CNTFR: variants seen among roughly 807,000 people sequenced by gnomAD.
CNTFR encodes ciliary neurotrophic factor receptor subunit alpha.
Under a neutral mutation model 40.4 loss-of-function variants are expected in CNTFR, and 12 were observed. That is an observed-to-expected ratio of 0.30 (90% CI 0.19 to 0.48). The LOEUF is 0.48. Ranked by LOEUF, CNTFR falls within the 20% of genes least tolerant of loss-of-function variation. The pLI is 0.99. For synonymous variants in CNTFR, 202 were observed against 209.6 expected, an observed-to-expected ratio of 0.96 and a Z score of 0.31; for missense variants, 414 against 506.8, an observed-to-expected ratio of 0.82 and a Z score of 1.76.
chr9:34,587,696 G>C (rs1041139352), intron 1 of CNTFR, among the ~76,000 whole-genome samples: 3 of 152,112 alleles, frequency 2.0e-5, no homozygotes, highest in Non-Finnish European at 2.9e-5. Context: ...ATGCGAGTCT[G>C]ACTAACTCGG....
At chr9:34,566,238 C>T (rs1354542822) in intron 3 of CNTFR, among the ~76,000 whole-genome samples, 1 of 152,118 alleles carries the variant, frequency 6.6e-6, no homozygotes, top group Non-Finnish European at 1.5e-5. Flanking sequence ...CCTCGCTGTG[C>T]CAGGGTCTCT....
At chr9:34,566,120 G>T (rs1455421028) in intron 3 of CNTFR, among the ~76,000 whole-genome samples, 1 of 151,886 alleles carries the variant, frequency 6.6e-6, no homozygotes, top group East Asian at 1.9e-4. Flanking sequence ...AGGGGTGTAG[G>T]GATCCCCCTT....
rs1324086457 is a variant in CNTFR, at chr9:34,556,235, T to C, written c.768+20A>G. On this transcript the variant is annotated intron_variant, in intron 7 of 9. Transcript: ENST00000378980. ...ATTCTAACTCAGGCACCCAGGATCT[T>C]GGCCGGGCAGGGCACTCACATGCTG... The C allele has an allele frequency of 6.3e-7, 1 of 1,599,542 alleles. No homozygotes were observed. Among genetic ancestry groups the C allele is most frequent in the Non-Finnish European group, 8.5e-7 (1 of 1,176,364 alleles).
intron 4 of CNTFR, among the ~76,000 whole-genome samples, chr9:34,562,816 C>G (rs2132153153): frequency 6.6e-6 from 1 of 152,336 alleles, no homozygotes; most frequent in East Asian, 1.9e-4. Context: ...CCACCTCACC[C>G]TCAGCAATGG....
chr9:34,558,075 T>A, intron 4 of CNTFR, 91 bp from the exon 5 acceptor site: 1 of 925,078 alleles, frequency 1.1e-6, no homozygotes, highest in Non-Finnish European at 1.5e-6. Flanking sequence ...GCCCCAGCTC[T>A]CCCCCCTCAA....
intron 7 of CNTFR, among the ~76,000 whole-genome samples, chr9:34,554,107 C>T (rs1476121690): frequency 6.6e-6 from 1 of 152,138 alleles, no homozygotes; most frequent in Non-Finnish European, 1.5e-5. Flanking sequence ...TGGGCCCAGA[C>T]CCTGGGCTCA....
In CNTFR at chr9:34,552,034, C is replaced by G. The variant is rs947511927; in HGVS notation, c.*37G>C. 6 of 1,213,760 alleles carry G rather than the reference C, an allele frequency of 4.9e-6. No homozygotes were observed. The African/African-American group carries it at 5.9e-5, about 12-fold the overall frequency. 75.2% of individuals were successfully genotyped at this position (1,213,760 alleles called of 1,614,324 possible). A position where few individuals can be genotyped will look rare whatever the true frequency, so the allele number is the denominator to read the frequency against. On this transcript the variant is annotated 3_prime_UTR_variant, in exon 10 of 10. Transcript: ENST00000378980. This position sits in a 1 kb window ranked among gnomAD's most constrained non-coding sequence, Gnocchi z 5.1. ...GGCTCAGCTCCGGCCTCCTGCTCCT[C>G]TGCAGGTGCTCTGCATGTCCTCATG... is the stretch of plus-strand genomic sequence containing the variant.
chr9:34,578,004 G>A (rs536059419), intron 2 of CNTFR, among the ~76,000 whole-genome samples: 15 of 151,710 alleles, frequency 9.9e-5, no homozygotes, highest in African/African-American at 3.6e-4. Flanking sequence ...CCGGCCCTGT[G>A]GCCACTGACC....
chr9:34,572,816 A>G (rs1826743138), intron 2 of CNTFR, among the ~76,000 whole-genome samples: 1 of 152,236 alleles, frequency 6.6e-6, no homozygotes, highest in African/African-American at 2.4e-5. Context: ...ATACATTGAC[A>G]CCAACAAACG....
At chr9:34,559,317 C>A (rs1461915923) in intron 4 of CNTFR, among the ~76,000 whole-genome samples, 4 of 152,146 alleles carry the variant, frequency 2.6e-5, no homozygotes, top group Admixed American at 2.0e-4. Context: ...GGGGCAGAAC[C>A]CCCAGGATCC....
chr9:34,572,710 A>C (rs910361829), intron 2 of CNTFR, among the ~76,000 whole-genome samples: 1 of 152,254 alleles, frequency 6.6e-6, no homozygotes, highest in African/African-American at 2.4e-5. Flanking sequence ...AATGATAACA[A>C]CACCCATTGA....
Position 34,556,348 on chromosome 9 carries a change from C to G in CNTFR, c.675G>C (p.Thr225=), listed in dbSNP as rs541755399. 6.2e-7 allele frequency: 1 copy of G among 1,613,932 alleles called. No homozygotes were observed. The highest frequency in any genetic ancestry group is 8.5e-7 in the Non-Finnish European group (1 of 1,179,982). The part of the protein sequence containing the change: ...VPSNPRRLEV[T]WQTPSTWPDP... ...CAGGCCAGGTCGAGGGGGTCTGCCA[C>G]GTCACCTCCAGCCGGCGAGGGTTGC... Residue 225 remains threonine, a synonymous_variant, in exon 7 of 10, where the codon ACG becomes ACC. Coordinates refer to ENST00000378980, the MANE Select transcript of CNTFR (RefSeq NM_147164.3).
At chr9:34,585,429 G>GT (rs1289020984) in intron 1 of CNTFR, among the ~76,000 whole-genome samples, 1 of 152,172 alleles carries the variant, frequency 6.6e-6, no homozygotes, top group Non-Finnish European at 1.5e-5. Flanking sequence ...CACTACCATA[G>GT]TTTAATTTCA....
At chr9:34,578,143 C>T (rs1011627913) in intron 2 of CNTFR, among the ~76,000 whole-genome samples, 9 of 151,372 alleles carry the variant, frequency 5.9e-5, no homozygotes, top group African/African-American at 2.2e-4. Context: ...GAAGCAACCC[C>T]CACAGCGGTC....
chr9:34,585,049 G>A (rs781669634), intron 1 of CNTFR, among the ~76,000 whole-genome samples: 8 of 152,190 alleles, frequency 5.3e-5, no homozygotes, highest in Non-Finnish European at 7.3e-5. Flanking sequence ...CATTTATTGA[G>A]CACCTATTCC....
rs1246078098 is a variant in CNTFR, at chr9:34,564,663, GCCACT to G, written c.250_254del (p.Ser84ProfsTer8). 1 of 1,613,736 alleles carries G rather than the reference GCCACT, an allele frequency of 6.2e-7. No individual in the cohort carries two copies. The highest frequency in any genetic ancestry group is 8.5e-7 in the Non-Finnish European group (1 of 1,179,902). Reference sequence around the variant, plus strand: ...AGTCACGGTGGAAGCAGGCGTAGAGGCCACTGTGGCCCAGTTCCAGGCCATGGAGC... The same window carrying G: ...AGTCACGGTGGAAGCAGGCGTAGAGGGTGGCCCAGTTCCAGGCCATGGAGC... On this transcript the variant is annotated frameshift_variant, in exon 4 of 10. Coordinates refer to ENST00000378980, the MANE Select transcript of CNTFR (RefSeq NM_147164.3). LOFTEE classifies it high-confidence loss of function.
rs547986819 is a variant in CNTFR, at chr9:34,555,266, G to C, written c.768+989C>G. Among the ~76,000 whole-genome samples, 24 of 152,294 alleles carry C rather than the reference G, an allele frequency of 1.6e-4. No individual in the cohort carries two copies. The South Asian group carries it at 4.6e-3, about 29-fold the overall frequency. ...ATGTGAGTGCATGAGCAGGCTTTGT[G>C]GGGGACAGGCACCCAGGAATCGAAT... is the stretch of plus-strand genomic sequence containing the variant. On this transcript the variant is annotated intron_variant, in intron 7 of 9. Transcript: ENST00000378980.
intron 4 of CNTFR, among the ~76,000 whole-genome samples, chr9:34,563,119 CA>C (rs1280265892): frequency 6.6e-6 from 1 of 152,114 alleles, no homozygotes; most frequent in Non-Finnish European, 1.5e-5. Context: ...CGCTCAGACC[CA>C]CTGGTTACCA....
Position 34,568,928 on chromosome 9 carries a change from TGCGGCG to T in CNTFR, c.48_53del (p.Ala17_Ala18del), listed in dbSNP as rs370378077. ...GACTGTGTCTCTGGGCGTAGACAAC[TGCGGCG>T]GCGGCGGCAAGCACAGCACAGCAGG... is the stretch of plus-strand genomic sequence containing the variant. On this transcript the variant is annotated inframe_deletion, in exon 3 of 10. Transcript: ENST00000378980. 1.3e-6 allele frequency: 2 copies of T among 1,598,948 alleles called. No individual in the cohort carries two copies. The highest frequency in any genetic ancestry group is 1.1e-5 in the South Asian group (1 of 88,478).
Sources: gnomAD v4.1 joint callset for allele counts (sites outside exome capture counted in the v4.1 genomes callset) on GRCh38, gnomAD v4.1.1 for gene constraint, Gnocchi (gnomAD v3.1) non-coding constraint, MANE v1.5 for transcripts, NCBI Gene and HGNC (gene_info 2026-07-23, HGNC 2026-07-21) for gene names.